The following ZNF536 variants were observed in gnomAD, a reference collection of about 807,000 sequenced individuals.
The protein encoded by ZNF536 is zinc finger protein 536.
In ZNF536, 13 loss-of-function variants were observed where a neutral mutation model predicts 84.5. That is an observed-to-expected ratio of 0.15 (90% CI 0.10 to 0.24). The LOEUF is 0.24. Ranked by LOEUF, ZNF536 falls within the 10% of genes least tolerant of loss-of-function variation. The pLI is 1.00. For missense variants in ZNF536, 1,536 were observed against 1,747.5 expected, an observed-to-expected ratio of 0.88 and a Z score of 2.16; for synonymous variants, 811 against 742.5, an observed-to-expected ratio of 1.09 and a Z score of -1.50.
intron 1 of ZNF536, among the ~76,000 whole-genome samples, chr19:30,648,970 C>T (rs1465948705): frequency 6.6e-6 from 1 of 152,160 alleles, no homozygotes; most frequent in Non-Finnish European, 1.5e-5. Flanking sequence ...ACTGTTTCTC[C>T]GACCACTGTT....
chr19:30,255,430 G>A (rs2145163226), intron 1 of ZNF536, among the ~76,000 whole-genome samples: 1 of 137,240 alleles, frequency 7.3e-6, no homozygotes, highest in African/African-American at 3.0e-5. Flanking sequence ...ACATACATGA[G>A]ACTAAAGAAC....
At chr19:30,284,078 A>C (rs936050622) in exon 2 of ZNF536, 2 of 152,178 alleles carry the variant, frequency 1.3e-5, no homozygotes, top group African/African-American at 4.8e-5. Flanking sequence ...GCAGTTCCTG[A>C]CCACCACGGC....
In ZNF536 at chr19:30,414,654, C is replaced by T. The variant is rs1268270253; in HGVS notation, c.-2-28907C>T. On this transcript the variant is annotated intron_variant, in intron 1 of 4. Coordinates refer to ENST00000355537, the MANE Select transcript of ZNF536 (RefSeq NM_014717.3). ...ATCCATCCCAGCCCCATGTCCTTTGCCTTTCCTTCATGTGAAAATGATCTG... is the reference window on the plus strand; with the variant it reads ...ATCCATCCCAGCCCCATGTCCTTTGTCTTTCCTTCATGTGAAAATGATCTG... 2.0e-5 allele frequency among the ~76,000 whole-genome samples: 3 copies of T among 152,268 alleles called. No individual in the cohort carries two copies. In the East Asian group the frequency reaches 5.8e-4, roughly 29 times the overall value.
chr19:30,591,542 C>T (rs189843209), intron 1 of ZNF536, among the ~76,000 whole-genome samples: 3 of 152,230 alleles, frequency 2.0e-5, no homozygotes, highest in East Asian at 1.9e-4. Context: ...ATTGCCCCCA[C>T]GATTCAATTA....
chr19:30,238,626 C>A (rs982296591), intron 1 of ZNF536, among the ~76,000 whole-genome samples: 2 of 152,046 alleles, frequency 1.3e-5, no homozygotes, highest in African/African-American at 4.8e-5. Context: ...CTCCCTCCCT[C>A]CCTTTCTCCC....
At chr19:30,301,901 C>T (rs539998460) in intron 2 of ZNF536, among the ~76,000 whole-genome samples, 14 of 151,422 alleles carry the variant, frequency 9.2e-5, no homozygotes, top group South Asian at 2.1e-4. Flanking sequence ...TGCCAGGTGC[C>T]GATGTGGGCT....
chr19:30,301,902 G>A lies in ZNF536; in HGVS notation c.-120+17761G>A, dbSNP rs114579947. Among the ~76,000 whole-genome samples the A allele has an allele frequency of 4.2e-3, 643 of 151,560 alleles. 3 individuals are homozygous for A. The highest frequency in any genetic ancestry group is 0.026 in the South Asian group (126 of 4,804). ...TGCAGAGAGGTCCCTGCCAGGTGCC[G>A]ATGTGGGCTAGGTAGAATCTGCCCC... is the stretch of plus-strand genomic sequence containing the variant. On this transcript the variant is annotated intron_variant, in intron 2 of 5. Coordinates refer to the ZNF536 transcript ENST00000585628.
intron 3 of ZNF536, among the ~76,000 whole-genome samples, chr19:30,547,544 A>C (rs1468783642): frequency 6.6e-6 from 1 of 152,216 alleles, no homozygotes; most frequent in Non-Finnish European, 1.5e-5. Context: ...ATTTAAACAA[A>C]TTTTAGATCT....
intron 2 of ZNF536, among the ~76,000 whole-genome samples, chr19:30,291,701 G>A (rs1441123989): frequency 1.3e-5 from 2 of 152,190 alleles, no homozygotes; most frequent in Admixed American, 1.3e-4. Context: ...ATTTCTGCCA[G>A]CAGCGTGCCA....
At chr19:30,623,020 G>GTTTTTTTTTTTTTTTTTT (rs66483120) in intron 1 of ZNF536, among the ~76,000 whole-genome samples, 5 of 129,536 alleles carry the variant, frequency 3.9e-5, no homozygotes, top group African/African-American at 5.9e-5. Flanking sequence ...AAAATCTTGT[G>GTTTTTTTTTTTTTTTTTT]TTTTTTTTTT....
downstream of ZNF536, among the ~76,000 whole-genome samples, chr19:30,562,472 AAAGAAAGG>A (rs2046207481): frequency 6.6e-6 from 1 of 152,016 alleles, no homozygotes; most frequent in Non-Finnish European, 1.5e-5. Context: ...AAAGAAAAGA[AAAGAAAGG>A]AGATCAATGA....
At chr19:30,631,951 T>A (rs565059968) in intron 1 of ZNF536, among the ~76,000 whole-genome samples, 74 of 152,158 alleles carry the variant, frequency 4.9e-4, no homozygotes, top group Non-Finnish European at 8.2e-4. Context: ...GTGCTTTTGT[T>A]TGATTTTCAG....
intron 2 of ZNF536, among the ~76,000 whole-genome samples, chr19:30,314,482 T>C (rs1011435401): frequency 2.0e-5 from 3 of 152,180 alleles, no homozygotes; most frequent in African/African-American, 7.2e-5. Flanking sequence ...TCAGCTCTGC[T>C]GTCCTCCACC....
At chr19:30,680,633 T>A (rs1376187425) in intron 1 of ZNF536, among the ~76,000 whole-genome samples, 1 of 152,208 alleles carries the variant, frequency 6.6e-6, no homozygotes, top group African/African-American at 2.4e-5. Flanking sequence ...GTGCCACATT[T>A]TCTTAATCCA....
At chr19:30,289,886 A>T (rs762277249) in intron 2 of ZNF536, among the ~76,000 whole-genome samples, 1 of 152,206 alleles carries the variant, frequency 6.6e-6, no homozygotes, top group Admixed American at 6.5e-5. Context: ...AAATACACAT[A>T]ATATAAAACT....
Position 30,422,781 on chromosome 19 carries a change from T to A in ZNF536, c.-2-20780T>A, listed in dbSNP as rs1053106686. 5.9e-5 allele frequency among the ~76,000 whole-genome samples: 9 copies of A among 152,170 alleles called. No homozygotes were observed. In the East Asian group the frequency reaches 1.7e-3, roughly 29 times the overall value. ...ACCTACCCAACCATATAGCCATCGA[T>A]CCATGTATCCATCCACCACCCACCC... On this transcript the variant is annotated intron_variant, in intron 1 of 4. Transcript: ENST00000355537.
chr19:30,368,074 T>C (rs1007780018), upstream of ZNF536, among the ~76,000 whole-genome samples: 5 of 152,156 alleles, frequency 3.3e-5, no homozygotes, highest in Non-Finnish European at 7.3e-5. Flanking sequence ...GCAGAGCCTC[T>C]GTCCCTCCCT....
intron 2 of ZNF536, among the ~76,000 whole-genome samples, chr19:30,305,565 A>G (rs913527780): frequency 5.3e-5 from 8 of 152,152 alleles, no homozygotes; most frequent in Non-Finnish European, 1.0e-4. Context: ...AGCCCCCTTC[A>G]TCACTGAGAA....
At chr19:30,416,517 T>C (rs2050740150) in intron 1 of ZNF536, among the ~76,000 whole-genome samples, 1 of 152,138 alleles carries the variant, frequency 6.6e-6, no homozygotes, top group African/African-American at 2.4e-5. Flanking sequence ...TGGAGGGTTC[T>C]GGGACTGTCA....
Sources: allele counts gnomAD v4.1 joint callset (sites outside exome capture counted in the v4.1 genomes callset), GRCh38; gene constraint gnomAD v4.1.1; transcripts MANE v1.5; gene names NCBI Gene and HGNC (gene_info 2026-07-23, HGNC 2026-07-21).